CTNNA2: variants seen among roughly 807,000 people sequenced by gnomAD.
CTNNA2 encodes catenin alpha-2.
CTNNA2 carries 42 observed loss-of-function variants against 101.0 expected under a neutral mutation model. That is an observed-to-expected ratio of 0.42 (90% CI 0.32 to 0.54). CTNNA2 has a LOEUF of 0.54. Ranked by LOEUF, CTNNA2 falls within the 20% of genes least tolerant of loss-of-function variation. The pLI is 0.14. For synonymous variants in CTNNA2, 450 were observed against 456.4 expected (o/e 0.99, Z 0.18); for missense variants, 871 against 1,223.1 (o/e 0.71, Z 4.29).
At chr2:79,220,457 A>G (rs181805193) in intron 2 of CTNNA2, among the ~76,000 whole-genome samples, 2 of 152,254 alleles carry the variant, frequency 1.3e-5, no homozygotes, top group East Asian at 3.9e-4. Context: ...CAGCTCCAGG[A>G]AGCCTCAGGC....
At chr2:80,181,647 G>A (rs558465076) in intron 7 of CTNNA2, among the ~76,000 whole-genome samples, 19 of 152,220 alleles carry the variant, frequency 1.2e-4, no homozygotes, top group South Asian at 8.3e-4. Flanking sequence ...TAGAATCCCC[G>A]AGTTCATCAT....
chr2:80,116,145 CATT>C (rs2148869426), intron 7 of CTNNA2, among the ~76,000 whole-genome samples: 1 of 151,860 alleles, frequency 6.6e-6, no homozygotes, highest in Admixed American at 6.6e-5. Flanking sequence ...TCAGCAATAT[CATT>C]ATAGCACAAA....
intron 3 of CTNNA2, among the ~76,000 whole-genome samples, chr2:79,819,129 G>A (rs12618152): frequency 0.46 from 68,936 of 150,860 alleles, 16,933 homozygotes; most frequent in East Asian, 0.82. Flanking sequence ...ACAGGCATGC[G>A]CCACCACGCC....
At chr2:79,526,845 C>A (rs1415535585) in intron 1 of CTNNA2, among the ~76,000 whole-genome samples, 1 of 152,172 alleles carries the variant, frequency 6.6e-6, no homozygotes, top group South Asian at 2.1e-4. Flanking sequence ...CTTCAATATG[C>A]ATTATAGACC....
At chr2:79,971,522 T>C (rs1482796727) in intron 7 of CTNNA2, among the ~76,000 whole-genome samples, 1 of 152,136 alleles carries the variant, frequency 6.6e-6, no homozygotes, top group Non-Finnish European at 1.5e-5. Context: ...ATGGATGACC[T>C]CATTTACTGC....
At chr2:79,327,681 A>C (rs1017343466) in intron 3 of CTNNA2, among the ~76,000 whole-genome samples, 5 of 152,180 alleles carry the variant, frequency 3.3e-5, no homozygotes. Context: ...ATATGGAAGT[A>C]CCAGGGAAAG....
At chr2:79,993,877 GTTTGT>G (rs1692355117) in intron 7 of CTNNA2, among the ~76,000 whole-genome samples, 1 of 152,048 alleles carries the variant, frequency 6.6e-6, no homozygotes, top group Non-Finnish European at 1.5e-5. Context: ...GGTTTTGTTG[GTTTGT>G]TTTGTTTTGT....
At chr2:79,433,444 G>A (rs1678677450) in intron 4 of CTNNA2, among the ~76,000 whole-genome samples, 2 of 152,034 alleles carry the variant, frequency 1.3e-5, no homozygotes, top group African/African-American at 4.8e-5. Context: ...AGATGCTCTT[G>A]TTTCTTGATG....
At chr2:80,079,649 T>TA (rs1489705819) in intron 7 of CTNNA2, among the ~76,000 whole-genome samples, 1 of 151,590 alleles carries the variant, frequency 6.6e-6, no homozygotes. Context: ...CCGTGTCTAC[T>TA]AAAAATACAA....
chr2:79,308,344 C>A (rs550370286), intron 2 of CTNNA2, among the ~76,000 whole-genome samples: 1 of 152,302 alleles, frequency 6.6e-6, no homozygotes, highest in Admixed American at 6.5e-5. Flanking sequence ...CAGCGCCCAG[C>A]CCATTTGTCC....
At chr2:79,607,506 T>C (rs187060123) in intron 1 of CTNNA2, among the ~76,000 whole-genome samples, 1 of 152,114 alleles carries the variant, frequency 6.6e-6, no homozygotes, top group African/African-American at 2.4e-5. Flanking sequence ...TTGTAGTAAA[T>C]AAAACAAATT....
chr2:79,633,545 G>A (rs998787038), intron 1 of CTNNA2, among the ~76,000 whole-genome samples: 2 of 152,210 alleles, frequency 1.3e-5, no homozygotes, highest in Non-Finnish European at 2.9e-5. Context: ...AATGAGCTGT[G>A]ATTACACGGG....
chr2:79,817,830 G>A (rs1344030229), intron 3 of CTNNA2, among the ~76,000 whole-genome samples: 7 of 152,172 alleles, frequency 4.6e-5, no homozygotes, highest in African/African-American at 1.7e-4. Flanking sequence ...TTGTTGTTGA[G>A]CTTTAAAGAA....
At chr2:79,291,935 T>G (rs1185788596) in intron 2 of CTNNA2, among the ~76,000 whole-genome samples, 1 of 151,966 alleles carries the variant, frequency 6.6e-6, no homozygotes, top group Non-Finnish European at 1.5e-5. Context: ...ACAGAGTTAT[T>G]AGTAACGGGA....
chr2:79,581,740 A>G (rs1676160413), intron 1 of CTNNA2, among the ~76,000 whole-genome samples: 1 of 152,204 alleles, frequency 6.6e-6, no homozygotes, highest in South Asian at 2.1e-4. Flanking sequence ...CTGAAAAGGA[A>G]CGAGTGGCGT....
intron 3 of CTNNA2, among the ~76,000 whole-genome samples, chr2:79,359,430 T>C (rs901492212): frequency 2.0e-5 from 3 of 152,186 alleles, no homozygotes; most frequent in African/African-American, 7.2e-5. Flanking sequence ...ATTTCAAAAA[T>C]GGTGTCTGAG....
intron 7 of CTNNA2, among the ~76,000 whole-genome samples, chr2:80,375,389 G>A (rs1675845864): frequency 6.6e-6 from 1 of 152,024 alleles, no homozygotes; most frequent in Admixed American, 6.6e-5. Context: ...TTACATGTAG[G>A]TTGTGGGGAT....
chr2:80,171,386 G>A (rs910444063), intron 7 of CTNNA2, among the ~76,000 whole-genome samples: 12 of 152,176 alleles, frequency 7.9e-5, no homozygotes, highest in Admixed American at 6.5e-4. Context: ...GAATGGAGCT[G>A]GCAGGCCAAG....
intron 4 of CTNNA2, among the ~76,000 whole-genome samples, chr2:79,386,369 G>A (rs1472627438): frequency 6.6e-6 from 1 of 152,176 alleles, no homozygotes; most frequent in Admixed American, 6.5e-5. Flanking sequence ...ATAACTCTGT[G>A]AAGCAACATT....
Sources: allele counts gnomAD v4.1 joint callset (sites outside exome capture counted in the v4.1 genomes callset), GRCh38; gene constraint gnomAD v4.1.1; transcripts MANE v1.5; gene names NCBI Gene and HGNC (gene_info 2026-07-23, HGNC 2026-07-21).